SLC25A13: variants seen among roughly 807,000 people sequenced by gnomAD.
The protein encoded by SLC25A13 is electrogenic aspartate/glutamate antiporter SLC25A13, mitochondrial.
SLC25A13 carries 70 observed loss-of-function variants against 85.5 expected under a neutral mutation model. The observed-to-expected ratio is 0.82, with a 90% CI of 0.68 to 1.00. The LOEUF (loss-of-function observed/expected upper bound fraction) is 1.00. SLC25A13 is among the 50% of genes least tolerant of loss of function. The probability of loss-of-function intolerance (pLI) is 0.00; values close to 1 mark genes in which losing one functional copy is unlikely to be tolerated. For missense variants in SLC25A13, 765 were observed against 819.8 expected, an observed-to-expected ratio of 0.93 and a Z score of 0.82; for synonymous variants, 259 against 288.7, an observed-to-expected ratio of 0.90 and a Z score of 1.04.
chr7:96,313,920 C>T (rs1800038970), intron 1 of SLC25A13, among the ~76,000 whole-genome samples: 1 of 152,116 alleles, frequency 6.6e-6, no homozygotes, highest in South Asian at 2.1e-4. Flanking sequence ...CTGACCTGTA[C>T]AGGGAAGGGA....
chr7:96,241,454 C>T (rs1187744116), intron 3 of SLC25A13, among the ~76,000 whole-genome samples: 1 of 152,186 alleles, frequency 6.6e-6, no homozygotes, highest in Non-Finnish European at 1.5e-5. Context: ...ATGCAGGATA[C>T]TATCCAACCA....
chr7:96,265,891 C>T (rs2116907876), intron 3 of SLC25A13, among the ~76,000 whole-genome samples: 1 of 152,280 alleles, frequency 6.6e-6, no homozygotes, highest in South Asian at 2.1e-4. Context: ...TAGATGGTGC[C>T]TTCTTGCTCC....
chr7:96,140,393 T>G (rs1792482211), intron 14 of SLC25A13, among the ~76,000 whole-genome samples: 1 of 142,822 alleles, frequency 7.0e-6, no homozygotes, highest in African/African-American at 2.7e-5. Context: ...CCACCAAGGA[T>G]CTCCTTTTTT....
chr7:96,266,289 T>C (rs942033412), intron 3 of SLC25A13, among the ~76,000 whole-genome samples: 3 of 152,288 alleles, frequency 2.0e-5, no homozygotes, highest in Admixed American at 2.0e-4. Flanking sequence ...GGATGAACTC[T>C]CCATGCTCTT....
intron 2 of SLC25A13, among the ~76,000 whole-genome samples, chr7:96,292,042 C>T (rs529417335): frequency 6.6e-6 from 1 of 152,280 alleles, no homozygotes; most frequent in East Asian, 1.9e-4. Flanking sequence ...AAAATACTGG[C>T]AAACCAAATT....
chr7:96,203,673 T>C (rs1381363903), intron 5 of SLC25A13, among the ~76,000 whole-genome samples: 1 of 152,190 alleles, frequency 6.6e-6, no homozygotes, highest in Non-Finnish European at 1.5e-5. Flanking sequence ...TATCCTGAGA[T>C]TGGAACCAGT....
At chr7:96,313,974 TAC>T (rs1462791482) in intron 1 of SLC25A13, among the ~76,000 whole-genome samples, 1 of 152,178 alleles carries the variant, frequency 6.6e-6, no homozygotes, top group Non-Finnish European at 1.5e-5. Context: ...GGTAAACTAG[TAC>T]ATTCTGTTTT....
intron 13 of SLC25A13, among the ~76,000 whole-genome samples, chr7:96,167,222 G>A (rs939760957): frequency 6.6e-6 from 1 of 152,102 alleles, no homozygotes; most frequent in Non-Finnish European, 1.5e-5. Flanking sequence ...AAAGTTAGAC[G>A]TGAAAGTTAG....
intron 4 of SLC25A13, among the ~76,000 whole-genome samples, chr7:96,227,890 G>A (rs1464103275): frequency 1.3e-5 from 2 of 152,108 alleles, no homozygotes; most frequent in African/African-American, 4.8e-5. Context: ...TTGAGCCAGA[G>A]TTTCGCTCTT....
At chr7:96,159,747 C>A (rs1793431693) in intron 13 of SLC25A13, among the ~76,000 whole-genome samples, 1 of 151,862 alleles carries the variant, frequency 6.6e-6, no homozygotes, top group Admixed American at 6.6e-5. Context: ...AAATGTGTTA[C>A]TAGATTATTA....
Position 96,120,257 on chromosome 7 carries a change from C to T in SLC25A13, c.*934G>A. On this transcript the variant is annotated 3_prime_UTR_variant, in exon 18 of 18. Coordinates refer to ENST00000265631, the MANE Select transcript of SLC25A13 (RefSeq NM_014251.3). ...TAGTTTATTTCCACCTTCACAAATT[C>T]ATGCGCCTCTGACCATTATGCAAGG... 3 of 451,926 alleles carry T rather than the reference C, an allele frequency of 6.6e-6. No individual in the cohort carries two copies. The highest frequency in any genetic ancestry group is 4.7e-5 in the South Asian group (3 of 64,388). 28.0% of individuals were successfully genotyped at this position (451,926 alleles called of 1,614,324 possible). A position where few individuals can be genotyped will look rare whatever the true frequency, so the allele number is the denominator to read the frequency against.
intron 5 of SLC25A13, among the ~76,000 whole-genome samples, chr7:96,197,668 T>C (rs1342331816): frequency 2.0e-5 from 3 of 152,066 alleles, no homozygotes; most frequent in Non-Finnish European, 4.4e-5. Flanking sequence ...TGACAGCTCC[T>C]AGATCTCAAC....
At chr7:96,183,805 G>A (rs1212253462) in intron 11 of SLC25A13, among the ~76,000 whole-genome samples, 1 of 152,182 alleles carries the variant, frequency 6.6e-6, no homozygotes, top group Non-Finnish European at 1.5e-5. Flanking sequence ...CCATTGGGTT[G>A]AGAGTCAGAT....
rs1200999719 is a variant in SLC25A13, at chr7:96,184,662, T to C, written c.1019-227A>G. The C allele has an allele frequency of 2.5e-5, 16 of 635,770 alleles. No homozygotes were observed. The Admixed American group carries it at 3.7e-4, about 15-fold the overall frequency. The allele number at this position is 635,770 out of a possible 1,614,324, so 39.4% of individuals were successfully genotyped here. A position where few individuals can be genotyped will look rare whatever the true frequency, so the allele number is the denominator to read the frequency against. On this transcript the variant is annotated intron_variant, in intron 10 of 17. Transcript: ENST00000265631. ...CATAGATATTTTAAATTAAGGCACATTGCTACAGCCCAACCTCATTAGTAA... is the reference window on the plus strand; with the variant it reads ...CATAGATATTTTAAATTAAGGCACACTGCTACAGCCCAACCTCATTAGTAA...
At chr7:96,319,752 T>C (rs1000986015) in intron 1 of SLC25A13, among the ~76,000 whole-genome samples, 12 of 152,140 alleles carry the variant, frequency 7.9e-5, no homozygotes, top group African/African-American at 2.4e-4. Context: ...GAATTGATTT[T>C]TATATATCTT....
chr7:96,152,860 A>C (rs140005954), intron 13 of SLC25A13, among the ~76,000 whole-genome samples: 125 of 152,334 alleles, frequency 8.2e-4, no homozygotes, highest in African/African-American at 2.9e-3. Context: ...ACAGGGAGGC[A>C]AAGTCCAGCA....
chr7:96,289,436 G>C (rs1274462146), intron 2 of SLC25A13, among the ~76,000 whole-genome samples: 1 of 152,134 alleles, frequency 6.6e-6, no homozygotes, highest in Non-Finnish European at 1.5e-5. Flanking sequence ...GAGAGAAGAA[G>C]GCTTCAGACG....
At chr7:96,194,956 C>G (rs555570126) in intron 5 of SLC25A13, among the ~76,000 whole-genome samples, 1 of 152,290 alleles carries the variant, frequency 6.6e-6, no homozygotes, top group South Asian at 2.1e-4. Context: ...CTTTCTGGAG[C>G]CTCCACCACT....
intron 14 of SLC25A13, among the ~76,000 whole-genome samples, chr7:96,138,676 C>T (rs2116453884): frequency 6.6e-6 from 1 of 152,206 alleles, no homozygotes; most frequent in African/African-American, 2.4e-5. Context: ...CTTCTCTTGC[C>T]CCTTAACATA....
Sources: allele counts gnomAD v4.1 joint callset (sites outside exome capture counted in the v4.1 genomes callset), GRCh38; gene constraint gnomAD v4.1.1; transcripts MANE v1.5; gene names NCBI Gene and HGNC (gene_info 2026-07-23, HGNC 2026-07-21).